C2CD5: variants seen among roughly 807,000 people sequenced by gnomAD.
C2CD5 encodes C2 domain-containing protein 5.
A neutral mutation model predicts 130.3 loss-of-function variants in C2CD5; 109 were observed. The observed-to-expected ratio is 0.84, with a 90% CI of 0.72 to 0.98. The LOEUF (loss-of-function observed/expected upper bound fraction) is 0.98, where lower values mean the gene tolerates loss of function less well. C2CD5 is among the 50% of genes least tolerant of loss of function. C2CD5 has a pLI of 0.00. For missense variants in C2CD5, 996 were observed against 1,261.8 expected, an observed-to-expected ratio of 0.79 and a Z score of 3.19; for synonymous variants, 454 against 429.2, an observed-to-expected ratio of 1.06 and a Z score of -0.71.
rs1049892666 is a variant in C2CD5 at position 22,490,178 on chromosome 12, C to T, written c.1303G>A (p.Val435Ile). ...TCCTGCAGAAATCTAGGATTCAGTA[C>T]AGCCGCTGTGCCAGATGCAGATAAA... is the stretch of plus-strand genomic sequence containing the variant. ...CILSASGTAAVLNPRFLQDGT... is the reference protein window; with the variant it reads ...CILSASGTAAILNPRFLQDGT... Residue 435 changes from valine to isoleucine, a missense_variant, in exon 12 of 27, where the codon GTA (valine) becomes ATA (isoleucine). Physicochemically the swap from Val to Ile is conservative, Grantham distance 29 (BLOSUM62 3). Around this residue, in one of 9 missense-constraint regions of C2CD5, gnomAD observed 590 missense variants for 631.4 expected, o/e 0.93. Coordinates refer to ENST00000446597, the MANE Select transcript of C2CD5 (RefSeq NM_001286176.2). 3 of 1,613,594 alleles carry T rather than the reference C, an allele frequency of 1.9e-6. No homozygotes were observed. The highest frequency in any genetic ancestry group is 2.7e-5 in the African/African-American group (2 of 74,906).
At chr12:22,492,315 A>G (rs1946457325) in intron 11 of C2CD5, among the ~76,000 whole-genome samples, 2 of 152,194 alleles carry the variant, frequency 1.3e-5, no homozygotes, top group Non-Finnish European at 2.9e-5. Context: ...AAAAAAAGCC[A>G]GAAACTAAGT....
intron 2 of C2CD5, among the ~76,000 whole-genome samples, 168 bp downstream of exon 2, chr12:22,543,893 G>A (rs551061321): frequency 2.4e-4 from 37 of 152,222 alleles, no homozygotes; most frequent in African/African-American, 7.9e-4. Flanking sequence ...TGCACCCATC[G>A]CACACACTGA....
intron 2 of C2CD5, among the ~76,000 whole-genome samples, chr12:22,539,091 A>G (rs767312623): frequency 2.0e-5 from 3 of 152,080 alleles, no homozygotes; most frequent in Non-Finnish European, 4.4e-5. Flanking sequence ...CCCCCTTCAT[A>G]GCCATACATC....
chr12:22,539,327 T>C (rs1220695892), intron 2 of C2CD5, among the ~76,000 whole-genome samples: 1 of 151,894 alleles, frequency 6.6e-6, no homozygotes, highest in African/African-American at 2.4e-5. Context: ...TAAGACATTA[T>C]GTTCCCCATT....
chr12:22,479,201 G>A (rs1461049025), intron 14 of C2CD5, among the ~76,000 whole-genome samples: 1 of 151,828 alleles, frequency 6.6e-6, no homozygotes, highest in Non-Finnish European at 1.5e-5. Flanking sequence ...AGCCTCCTGA[G>A]TAGCTAGGAT....
At chr12:22,493,113 G>A (rs1199114207) in intron 11 of C2CD5, 110 bp downstream of exon 11, 10 of 589,328 alleles carry the variant, frequency 1.7e-5, no homozygotes, top group Non-Finnish European at 3.0e-6. Context: ...CAAGGCCCAT[G>A]CTCCTGAACA....
At chr12:22,519,303 A>C (rs992653664) in intron 7 of C2CD5, 2 of 1,373,600 alleles carry the variant, frequency 1.5e-6, no homozygotes, top group Non-Finnish European at 1.9e-6. Flanking sequence ...TTGCAGAGTT[A>C]TGTTAAAATA....
chr12:22,504,503 T>C (rs1252528662), intron 10 of C2CD5, among the ~76,000 whole-genome samples: 1 of 152,110 alleles, frequency 6.6e-6, no homozygotes, highest in Non-Finnish European at 1.5e-5. Context: ...GGTTTCACCT[T>C]GTTGGTCAGG....
At chr12:22,473,214 ACT>A (rs902829573) in intron 16 of C2CD5, among the ~76,000 whole-genome samples, 3 of 152,148 alleles carry the variant, frequency 2.0e-5, no homozygotes, top group African/African-American at 7.2e-5. Context: ...ATAGGTCTAA[ACT>A]CTATTTTTTT....
At chr12:22,537,593 A>T (rs183462294) in intron 2 of C2CD5, among the ~76,000 whole-genome samples, 11 of 152,314 alleles carry the variant, frequency 7.2e-5, no homozygotes, top group African/African-American at 2.6e-4. Flanking sequence ...ATTTTAATGG[A>T]GATTTCCCCC....
chr12:22,497,965 CTA>C (rs1211316431), intron 10 of C2CD5, among the ~76,000 whole-genome samples: 1 of 151,292 alleles, frequency 6.6e-6, no homozygotes, highest in East Asian at 1.9e-4. Flanking sequence ...TTTCATTACT[CTA>C]AAATTACTGG....
chr12:22,453,250 T>C (rs1939089748), intron 26 of C2CD5, among the ~76,000 whole-genome samples: 1 of 152,160 alleles, frequency 6.6e-6, no homozygotes. Flanking sequence ...ACATACAGCT[T>C]CATGCATTCA....
rs372185312 is a variant in C2CD5 at position 22,452,293 on chromosome 12, G to T, written c.3024+1603C>A. Among the ~76,000 whole-genome samples, 3 of 152,096 alleles carry T rather than the reference G, an allele frequency of 2.0e-5. No individual in the cohort carries two copies. The South Asian group carries it at 6.2e-4, about 32-fold the overall frequency. On this transcript the variant is annotated intron_variant, in intron 26 of 26. Coordinates refer to ENST00000446597, the MANE Select transcript of C2CD5 (RefSeq NM_001286176.2). ...AGTGATATCAAATACTCCTGCTCAG[G>T]ATGTGCCTGGTTTCCACTCTACTTC...
chr12:22,462,552 G>A (rs1345044221), intron 22 of C2CD5, among the ~76,000 whole-genome samples: 1 of 152,132 alleles, frequency 6.6e-6, no homozygotes, highest in Non-Finnish European at 1.5e-5. Flanking sequence ...TAGTGGTGTG[G>A]GAGGGAAACT....
Position 22,527,330 on chromosome 12 carries a change from A to T in C2CD5, c.349+391T>A, listed in dbSNP as rs796921283. On this transcript the variant is annotated intron_variant, in intron 4 of 26. Transcript: ENST00000446597. ...ATATATTATATACATATATATATAT[A>T]TTTTTTTTTTTTTTTTTTGAGCTAG... Among the ~76,000 whole-genome samples the T allele has an allele frequency of 9.1e-3, 1,262 of 138,144 alleles. 18 individuals are homozygous for T. The highest frequency in any genetic ancestry group is 0.029 in the African/African-American group (1,044 of 35,642). The allele number at this position is 138,144 out of a possible 152,430, so 90.6% of individuals were successfully genotyped here.
intron 12 of C2CD5, among the ~76,000 whole-genome samples, chr12:22,486,274 T>G (rs990632223): frequency 6.6e-6 from 1 of 151,904 alleles, no homozygotes; most frequent in Admixed American, 6.6e-5. Flanking sequence ...CTGTGGTCAC[T>G]CATTCCCAGC....
chr12:22,485,963 C>CA (rs1428122283), intron 12 of C2CD5, among the ~76,000 whole-genome samples: 11 of 151,820 alleles, frequency 7.2e-5, no homozygotes, highest in Non-Finnish European at 1.6e-4. Context: ...AAGTACTTTG[C>CA]AACTAAGCAT....
chr12:22,452,571 C>T (rs899493457), intron 26 of C2CD5, among the ~76,000 whole-genome samples: 1 of 152,168 alleles, frequency 6.6e-6, no homozygotes, highest in East Asian at 1.9e-4. Flanking sequence ...TCCCTTCCCC[C>T]TCTAACGTGC....
At chr12:22,452,672 G>A (rs891390725) in intron 26 of C2CD5, among the ~76,000 whole-genome samples, 1 of 152,090 alleles carries the variant, frequency 6.6e-6, no homozygotes, top group Non-Finnish European at 1.5e-5. Flanking sequence ...TTAGTATACC[G>A]TGAGTTACAA....
Sources: allele counts gnomAD v4.1 joint callset (sites outside exome capture counted in the v4.1 genomes callset), GRCh38; gene constraint gnomAD v4.1.1; regional missense constraint gnomAD v4.1.1; transcripts MANE v1.5; gene names NCBI Gene and HGNC (gene_info 2026-07-23, HGNC 2026-07-21).